PLXNA2: variants seen among roughly 807,000 people sequenced by gnomAD.
The protein encoded by PLXNA2 is plexin-A2.
PLXNA2 carries 91 observed loss-of-function variants against 193.5 expected under a neutral mutation model. The ratio of observed to expected loss-of-function variants is 0.47; its 90% CI spans 0.40 to 0.56. The LOEUF (loss-of-function observed/expected upper bound fraction) is 0.56. Among genes scored for constraint, PLXNA2 ranks in the 20% least tolerant of loss-of-function variants. The pLI is 0.00. For missense variants in PLXNA2, 1,995 were observed against 2,503.2 expected (o/e 0.80, Z 4.33); for synonymous variants, 997 against 1,027.3 (o/e 0.97, Z 0.56).
intron 3 of PLXNA2, among the ~76,000 whole-genome samples, chr1:208,168,351 C>A (rs1172281165): frequency 1.3e-5 from 2 of 152,164 alleles, no homozygotes; most frequent in East Asian, 3.8e-4. Context: ...TACACACATT[C>A]CAATTTAAAA....
At chr1:208,080,461 A>C (rs529618716) in intron 11 of PLXNA2, among the ~76,000 whole-genome samples, 5 of 152,268 alleles carry the variant, frequency 3.3e-5, no homozygotes, top group Non-Finnish European at 4.4e-5. Flanking sequence ...CCAAAAGCAA[A>C]ACACGTAAAA....
Position 208,027,187 on chromosome 1 carries a change from T to TG in PLXNA2, c.*55_*56insC. On this transcript the variant is annotated 3_prime_UTR_variant, in exon 32 of 32. Transcript: ENST00000367033. Reference sequence around the variant, plus strand: ...CATCACTTGTCCTTCCATCTGAGACTCCCAGTGTGACAGCTTGGACAGGTC... The same window carrying TG: ...CATCACTTGTCCTTCCATCTGAGACTGCCCAGTGTGACAGCTTGGACAGGTC... The TG allele has an allele frequency of 7.0e-7, 1 of 1,437,594 alleles. No homozygotes were observed. The highest frequency in any genetic ancestry group is 2.3e-5 in the East Asian group (1 of 43,828). 89.1% of individuals were successfully genotyped at this position (1,437,594 alleles called of 1,614,324 possible).
intron 1 of PLXNA2, among the ~76,000 whole-genome samples, chr1:208,218,611 C>T (rs1203527702): frequency 6.6e-6 from 1 of 152,192 alleles, no homozygotes. Context: ...CTGCCCTCAG[C>T]CCTTTCTTCT....
intron 1 of PLXNA2, among the ~76,000 whole-genome samples, chr1:208,228,504 G>T (rs901416939): frequency 6.6e-6 from 1 of 152,160 alleles, no homozygotes; most frequent in South Asian, 2.1e-4. Flanking sequence ...CCACAGATCT[G>T]CAAGTTGTGC....
chr1:208,153,790 G>T (rs1668847337), intron 3 of PLXNA2, among the ~76,000 whole-genome samples: 1 of 152,192 alleles, frequency 6.6e-6, no homozygotes, highest in African/African-American at 2.4e-5. Flanking sequence ...GCCAGCCCAG[G>T]GGTACCCTGT....
In PLXNA2 at chr1:208,084,701, A is replaced by G. The variant is rs538719650; in HGVS notation, c.2098-121T>C. On this transcript the variant is annotated intron_variant, in intron 9 of 31. Transcript: ENST00000367033. ...CAAGAGCAGGATATTACCTCATGTA[A>G]GGCCCGTGGAATGGGCAGGGAAAAT... 6 of 855,666 alleles carry G rather than the reference A, an allele frequency of 7.0e-6. No individual in the cohort carries two copies. The African/African-American group carries it at 1.0e-4, about 15-fold the overall frequency. 53.0% of individuals were successfully genotyped at this position (855,666 alleles called of 1,614,324 possible).
At position 208,054,544 on chromosome 1, in the gene PLXNA2, G is replaced by A. The variant is rs781436475; in HGVS notation, c.2739-6C>T. ...GGCCCATCTCACAGACAATCCTGGG[G>A]AGAAAGCAAACCTTCTGGTGAGGGA... On this transcript the variant is annotated splice_region_variant and splice_polypyrimidine_tract_variant and intron_variant, in intron 13 of 31. Coordinates refer to ENST00000367033, the MANE Select transcript of PLXNA2 (RefSeq NM_025179.4). 1.9e-6 allele frequency: 3 copies of A among 1,607,836 alleles called. No individual in the cohort carries two copies. In the African/African-American group the frequency reaches 4.0e-5, roughly 21 times the overall value.
chr1:208,108,571 A>G (rs1667349486), intron 4 of PLXNA2, among the ~76,000 whole-genome samples: 1 of 152,232 alleles, frequency 6.6e-6, no homozygotes, highest in East Asian at 1.9e-4. Context: ...GAGCTCTTCT[A>G]TGGCTCTTCT....
intron 3 of PLXNA2, among the ~76,000 whole-genome samples, chr1:208,185,670 C>G (rs1163647156): frequency 2.6e-5 from 3 of 115,202 alleles, no homozygotes; most frequent in African/African-American, 1.0e-4. Context: ...GAAGCTGCCC[C>G]TTTATTCCTT....
At chr1:208,186,611 C>T (rs903162768) in intron 3 of PLXNA2, among the ~76,000 whole-genome samples, 2 of 151,678 alleles carry the variant, frequency 1.3e-5, no homozygotes, top group Admixed American at 6.6e-5. Flanking sequence ...AGGCAGGAGG[C>T]GGTGATGGAG....
At chr1:208,068,566 C>A (rs1558175210) in intron 12 of PLXNA2, among the ~76,000 whole-genome samples, 1 of 152,166 alleles carries the variant, frequency 6.6e-6, no homozygotes, top group African/African-American at 2.4e-5. Flanking sequence ...TCTGTGGACT[C>A]TCGGATTTCT....
chr1:208,084,369 C>A lies in PLXNA2; in HGVS notation c.2298+11G>T, dbSNP rs747067756. ...CCTGCTCCAGGCAGGGCCCAGCCTG[C>A]GTTTTCTTACCGAGCTGTTCTGACA... On this transcript the variant is annotated intron_variant, in intron 10 of 31. Transcript: ENST00000367033. 1 of 1,613,802 alleles carries A rather than the reference C, an allele frequency of 6.2e-7. No homozygotes were observed. The highest frequency in any genetic ancestry group is 1.1e-5 in the South Asian group (1 of 91,076).
At chr1:208,130,649 G>A (rs1338795261) in intron 4 of PLXNA2, among the ~76,000 whole-genome samples, 1 of 152,156 alleles carries the variant, frequency 6.6e-6, no homozygotes, top group Non-Finnish European at 1.5e-5. Context: ...CCTTGACTCA[G>A]ATGTGTGGTG....
chr1:208,064,291 T>G (rs1665714614), intron 12 of PLXNA2, among the ~76,000 whole-genome samples: 1 of 152,202 alleles, frequency 6.6e-6, no homozygotes, highest in African/African-American at 2.4e-5. Flanking sequence ...AGGGTGACCT[T>G]CATGAACACA....
intron 3 of PLXNA2, among the ~76,000 whole-genome samples, chr1:208,162,000 C>G (rs1424940386): frequency 6.6e-6 from 1 of 152,162 alleles, no homozygotes; most frequent in South Asian, 2.1e-4. Flanking sequence ...CAGGAGCCAG[C>G]CTGTGTGTGC....
chr1:208,163,452 T>C (rs1431643282), intron 3 of PLXNA2, among the ~76,000 whole-genome samples: 3 of 152,014 alleles, frequency 2.0e-5, no homozygotes, highest in Non-Finnish European at 4.4e-5. Flanking sequence ...GCAAACTCAA[T>C]GTGGGAAATG....
intron 3 of PLXNA2, among the ~76,000 whole-genome samples, chr1:208,179,401 G>A (rs936509816): frequency 3.3e-5 from 5 of 152,206 alleles, no homozygotes; most frequent in African/African-American, 1.2e-4. Flanking sequence ...CCTGCTAGGA[G>A]GTGCAGCCGG....
chr1:208,044,427 T>C lies in PLXNA2; in HGVS notation c.3874+81A>G, dbSNP rs1033030709. ...TGGCTGGCAGCGATGGGAGTAAAGA[T>C]AGGAGTTGTCTGCAGGGAGAAGGGC... On this transcript the variant is annotated intron_variant, in intron 20 of 31. Coordinates refer to ENST00000367033, the MANE Select transcript of PLXNA2 (RefSeq NM_025179.4). The surrounding 1 kb of genome is among the most constrained non-coding windows in gnomAD (Gnocchi z 4.9). 3.0e-5 allele frequency: 29 copies of C among 958,256 alleles called. No individual in the cohort carries two copies. The highest frequency in any genetic ancestry group is 2.9e-4 in the South Asian group (21 of 72,362). 59.4% of individuals were successfully genotyped at this position (958,256 alleles called of 1,614,324 possible).
At chr1:208,056,149 G>A (rs1465365131) in intron 13 of PLXNA2, among the ~76,000 whole-genome samples, 4 of 152,190 alleles carry the variant, frequency 2.6e-5, no homozygotes, top group Admixed American at 6.5e-5. Context: ...CCTGTTTCCC[G>A]GACCCTGGCA....
Sources: gnomAD v4.1 joint callset for allele counts (sites outside exome capture counted in the v4.1 genomes callset) on GRCh38, gnomAD v4.1.1 for gene constraint, Gnocchi (gnomAD v3.1) non-coding constraint, MANE v1.5 for transcripts, NCBI Gene and HGNC (gene_info 2026-07-23, HGNC 2026-07-21) for gene names.